TMEM263: variants seen among roughly 807,000 people sequenced by gnomAD.
The protein encoded by TMEM263 is UPF0444 transmembrane protein C12orf23.
Under a neutral mutation model 8.6 loss-of-function variants are expected in TMEM263, and 5 were observed. The observed-to-expected ratio is 0.58, with a 90% CI of 0.31 to 1.23. TMEM263 has a LOEUF of 1.23. TMEM263 is among the 50% of genes most tolerant of loss of function. TMEM263 has a pLI of 0.07. For missense variants in TMEM263, 104 were observed against 138.8 expected (o/e 0.75, Z 1.26); for synonymous variants, 50 against 47.9 (o/e 1.04, Z -0.18).
chr12:106,963,861 A>G (rs1329187650), intron 2 of TMEM263, among the ~76,000 whole-genome samples: 1 of 152,182 alleles, frequency 6.6e-6, no homozygotes, highest in Non-Finnish European at 1.5e-5. Context: ...GTTGGTAGGG[A>G]TTTATGGGGT....
chr12:106,960,725 A>T (rs539486871), intron 2 of TMEM263, among the ~76,000 whole-genome samples: 14 of 152,010 alleles, frequency 9.2e-5, no homozygotes, highest in African/African-American at 2.9e-4. Flanking sequence ...GTTATCTTTT[A>T]AAAAAAACAC....
At chr12:106,961,785 G>A (rs1951781397) in intron 2 of TMEM263, among the ~76,000 whole-genome samples, 2 of 152,166 alleles carry the variant, frequency 1.3e-5, no homozygotes, top group African/African-American at 2.4e-5. Context: ...TAACAGTATT[G>A]TACAGTTAAT....
At chr12:106,967,528 T>TG (rs1951863210) in intron 3 of TMEM263, 1 of 180,622 alleles carries the variant, frequency 5.5e-6, no homozygotes, top group African/African-American at 2.4e-5. Flanking sequence ...CCCAAAGTGC[T>TG]GGGATTATAG....
At chr12:106,957,194 G>GTGTGTGTA (rs1189143333) in intron 2 of TMEM263, 45 bp downstream of exon 2, 1 of 902,962 alleles carries the variant, frequency 1.1e-6, no homozygotes. Context: ...GTGTGTGTGT[G>GTGTGTGTA]TGTGTGTGTG....
intron 3 of TMEM263, among the ~76,000 whole-genome samples, chr12:106,968,165 T>C (rs1951870335): frequency 6.6e-6 from 1 of 152,206 alleles, no homozygotes; most frequent in African/African-American, 2.4e-5. Flanking sequence ...ACTCTAGGTA[T>C]TATATATTTT....
chr12:106,966,857 A>C (rs1209879735), intron 2 of TMEM263: 1 of 362,152 alleles, frequency 2.8e-6, no homozygotes, highest in African/African-American at 2.2e-5. Flanking sequence ...CAACATAGGA[A>C]AACTTATACT....
rs767945496 is a variant in TMEM263 at position 106,971,301 on chromosome 12, C to G, written c.261C>G (p.Val87=). 7 of 1,614,166 alleles carry G rather than the reference C, an allele frequency of 4.3e-6. No homozygotes were observed. Among genetic ancestry groups the G allele is most frequent in the Admixed American group, 1.7e-5 (1 of 60,014 alleles). ...GAATAGGGCTGGTGAAAGGGGGTGTCTCTGCTGTGGCTGGAGGTGTTACAG... is the reference window on the plus strand; with the variant it reads ...GAATAGGGCTGGTGAAAGGGGGTGTGTCTGCTGTGGCTGGAGGTGTTACAG... ...SMGIGLVKGG[V]SAVAGGVTAV... The change falls in exon 4 of 4, where the codon GTC becomes GTG. Residue 87 remains valine (V), a synonymous_variant. Coordinates refer to ENST00000280756, the MANE Select transcript of TMEM263 (RefSeq NM_152261.4).
intron 1 of TMEM263, chr12:106,956,761 C>T (rs1951698323): frequency 6.6e-6 from 1 of 152,330 alleles, no homozygotes; most frequent in Non-Finnish European, 1.5e-5. Flanking sequence ...CATAGAAATT[C>T]TGGAGCCCTT....
rs1195885539 is a variant in TMEM263 at position 106,972,966 on chromosome 12, C to T, written c.*1575C>T. On this transcript the variant is annotated 3_prime_UTR_variant, in exon 4 of 4. Transcript: ENST00000280756. ...GAAAATTTGAAACAGACCATTCTAACACCCAAGGCTTGTTTATAAAATACT... is the reference window on the plus strand; with the variant it reads ...GAAAATTTGAAACAGACCATTCTAATACCCAAGGCTTGTTTATAAAATACT... The T allele has an allele frequency of 4.7e-5, 7 of 150,104 alleles. No individual in the cohort carries two copies. The highest frequency in any genetic ancestry group is 2.0e-4 in the East Asian group (1 of 5,090). 9.3% of individuals were successfully genotyped at this position (150,104 alleles called of 1,614,324 possible).
chr12:106,955,968 G>C lies in TMEM263; in HGVS notation c.-172G>C. ...TGGAGCCGCGACTGCCCGGGGTTGT[G>C]CCGGCCGCCGCTGCCGCCCAGGCCG... On this transcript the variant is annotated 5_prime_UTR_variant, in exon 1 of 4. Transcript: ENST00000280756. The C allele has an allele frequency of 1.0e-6, 1 of 986,528 alleles. No homozygotes were observed. The highest frequency in any genetic ancestry group is 1.2e-6 in the Non-Finnish European group (1 of 830,928). The allele number at this position is 986,528 out of a possible 1,614,324, so 61.1% of individuals were successfully genotyped here. A position where few individuals can be genotyped will look rare whatever the true frequency, so the allele number is the denominator to read the frequency against.
chr12:106,967,373 C>T, intron 3 of TMEM263, 193 bp downstream of exon 3: 1 of 412,964 alleles, frequency 2.4e-6, no homozygotes, highest in Non-Finnish European at 4.2e-6. Context: ...GTTCTCCTGC[C>T]TCAGCCTCCC....
At chr12:106,961,615 A>ATG (rs1247919318) in intron 2 of TMEM263, among the ~76,000 whole-genome samples, 1 of 152,160 alleles carries the variant, frequency 6.6e-6, no homozygotes, top group Non-Finnish European at 1.5e-5. Context: ...GGAAGACATC[A>ATG]TACCTTTGTA....
At chr12:106,958,302 T>G (rs1455795479) in intron 2 of TMEM263, among the ~76,000 whole-genome samples, 2 of 152,164 alleles carry the variant, frequency 1.3e-5, no homozygotes, top group Non-Finnish European at 2.9e-5. Flanking sequence ...TTTTTGGAAT[T>G]TTTTATTATG....
At position 106,971,499 on chromosome 12, in the gene TMEM263, C is replaced by A; in HGVS notation, c.*108C>A. On this transcript the variant is annotated 3_prime_UTR_variant, in exon 4 of 4. Transcript: ENST00000280756. ...CTGTTTTGGACGTTTATCTTCTAAA[C>A]TGCTGTGTTGAAAGTATTGATGACT... 1 of 1,157,936 alleles carries A rather than the reference C, an allele frequency of 8.6e-7. No homozygotes were observed. The highest frequency in any genetic ancestry group is 1.2e-6 in the Non-Finnish European group (1 of 834,268). 71.7% of individuals were successfully genotyped at this position (1,157,936 alleles called of 1,614,324 possible). A position where few individuals can be genotyped will look rare whatever the true frequency, so the allele number is the denominator to read the frequency against.
chr12:106,958,125 ATTAT>A (rs1951724942), intron 2 of TMEM263, among the ~76,000 whole-genome samples: 3 of 152,148 alleles, frequency 2.0e-5, no homozygotes, highest in Admixed American at 2.0e-4. Flanking sequence ...GTCTTTTTCT[ATTAT>A]AGGGAAATTG....
rs753154240 is a variant in TMEM263, at chr12:106,971,422, C to T, written c.*31C>T. On this transcript the variant is annotated 3_prime_UTR_variant, in exon 4 of 4. Transcript: ENST00000280756. The stretch of plus-strand genomic sequence containing the variant: ...AGAGATACACTTGCGCTCCACAGCA[C>T]TGTAATGCCAGTGGCATTGAATTGC... The T allele has an allele frequency of 6.5e-7, 1 of 1,540,278 alleles. No homozygotes were observed. Among genetic ancestry groups the T allele is most frequent in the Admixed American group, 2.0e-5 (1 of 49,432 alleles).
chr12:106,971,313 T>A lies in TMEM263; in HGVS notation c.273T>A (p.Ala91=). The A allele has an allele frequency of 6.2e-7, 1 of 1,614,210 alleles. No homozygotes were observed. Among genetic ancestry groups the A allele is most frequent in the Non-Finnish European group, 8.5e-7 (1 of 1,180,036 alleles). Residue 91 remains alanine (A), a synonymous_variant, in exon 4 of 4, where the codon GCT becomes GCA. Coordinates refer to ENST00000280756, the MANE Select transcript of TMEM263 (RefSeq NM_152261.4). ...GLVKGGVSAV[A]GGVTAVGSAV... ...TGAAAGGGGGTGTCTCTGCTGTGGC[T>A]GGAGGTGTTACAGCTGTTGGGTCTG...
intron 2 of TMEM263, 75 bp downstream of exon 2, chr12:106,957,224 G>C: frequency 1.1e-6 from 1 of 921,166 alleles, no homozygotes. Flanking sequence ...GTGTGTGCGC[G>C]CTCGCGCCCA....
chr12:106,964,600 T>C (rs892437825), intron 2 of TMEM263, among the ~76,000 whole-genome samples: 2 of 152,238 alleles, frequency 1.3e-5, no homozygotes, highest in African/African-American at 4.8e-5. Flanking sequence ...TTAAATCTTA[T>C]GTTTGGGATG....
Sources: allele counts gnomAD v4.1 joint callset (sites outside exome capture counted in the v4.1 genomes callset), GRCh38; gene constraint gnomAD v4.1.1; transcripts MANE v1.5; gene names NCBI Gene and HGNC (gene_info 2026-07-23, HGNC 2026-07-21).